Variants in SHISA9 observed in about 807,000 individuals in gnomAD.
SHISA9 encodes shisa family member 9.
SHISA9 carries 13 observed loss-of-function variants against 38.0 expected under a neutral mutation model. That is an observed-to-expected ratio of 0.34 (90% CI 0.22 to 0.54). SHISA9 has a LOEUF of 0.54. Among genes scored for constraint, SHISA9 ranks in the 20% least tolerant of loss-of-function variants. The pLI is 0.91. For missense variants in SHISA9, 538 were observed against 575.8 expected (o/e 0.93, Z 0.67); for synonymous variants, 275 against 242.0 (o/e 1.14, Z -1.27).
chr16:13,494,988 C>T, the SHISA9 span, among the ~76,000 whole-genome samples: 2 of 152,192 alleles, frequency 1.3e-5, no homozygotes, highest in Non-Finnish European at 2.9e-5. Context: ...AGATTACATA[C>T]TGTATGATTG....
intron 2 of SHISA9, among the ~76,000 whole-genome samples, chr16:12,995,280 T>C (rs943128388): frequency 6.6e-6 from 1 of 152,326 alleles, no homozygotes; most frequent in East Asian, 1.9e-4. Flanking sequence ...TAAGTTATTA[T>C]TGACTACAGT....
At chr16:13,189,312 C>A (rs2050860010) in intron 2 of SHISA9, among the ~76,000 whole-genome samples, 1 of 152,154 alleles carries the variant, frequency 6.6e-6, no homozygotes, top group Non-Finnish European at 1.5e-5. Context: ...AGTTTCATTC[C>A]ATAGAGGTGG....
the SHISA9 span, among the ~76,000 whole-genome samples, chr16:13,515,963 T>C: frequency 0.28 from 42,618 of 152,168 alleles, 6,676 homozygotes; most frequent in East Asian, 0.38. Flanking sequence ...AAGTACACCA[T>C]AGATTAGATA....
intron 3 of SHISA9, among the ~76,000 whole-genome samples, chr16:13,207,124 C>T (rs2051072711): frequency 3.9e-5 from 6 of 152,164 alleles, no homozygotes; most frequent in Admixed American, 3.3e-4. Context: ...ATTAGCTGGG[C>T]ATGGTGGCAG....
chr16:13,534,844 C>T, the SHISA9 span, among the ~76,000 whole-genome samples: 1 of 152,082 alleles, frequency 6.6e-6, no homozygotes, highest in East Asian at 1.9e-4. Context: ...CTTATCTTTG[C>T]CTTCTAAAAT....
intron 2 of SHISA9, among the ~76,000 whole-genome samples, chr16:13,114,180 A>C (rs2074006819): frequency 6.6e-6 from 1 of 152,102 alleles, no homozygotes; most frequent in South Asian, 2.1e-4. Context: ...AAATAATACG[A>C]AAAAGGCTGG....
At chr16:13,489,777 G>A in the SHISA9 span, among the ~76,000 whole-genome samples, 1 of 152,180 alleles carries the variant, frequency 6.6e-6, no homozygotes, top group African/African-American at 2.4e-5. Context: ...AATCCCCCGT[G>A]AATGCTATGA....
the SHISA9 span, among the ~76,000 whole-genome samples, chr16:13,383,403 T>C: frequency 2.0e-5 from 3 of 152,158 alleles, no homozygotes; most frequent in Admixed American, 2.0e-4. Context: ...TGAACATATA[T>C]CCTTAATAAA....
intron 2 of SHISA9, among the ~76,000 whole-genome samples, chr16:13,199,322 C>G (rs1481546835): frequency 1.3e-5 from 2 of 152,194 alleles, no homozygotes; most frequent in Non-Finnish European, 2.9e-5. Context: ...TGGGCACGCT[C>G]TATGCACGAG....
At chr16:13,083,729 A>T (rs1341854493) in intron 2 of SHISA9, among the ~76,000 whole-genome samples, 1 of 152,068 alleles carries the variant, frequency 6.6e-6, no homozygotes, top group Non-Finnish European at 1.5e-5. Context: ...GGGCTGCTTC[A>T]GGGGGTGGGG....
chr16:13,469,365 A>AAAAAAG, the SHISA9 span, among the ~76,000 whole-genome samples: 1 of 64,456 alleles, frequency 1.6e-5, no homozygotes. Context: ...AAAGAAAAGA[A>AAAAAAG]AAAGAAAGAA....
the SHISA9 span, among the ~76,000 whole-genome samples, chr16:13,366,988 A>C: frequency 6.6e-6 from 1 of 151,320 alleles, no homozygotes. Flanking sequence ...ATCTCAAAAA[A>C]AAAAAAAAAA....
intron 2 of SHISA9, among the ~76,000 whole-genome samples, chr16:12,926,319 C>T (rs1474473117): frequency 1.1e-4 from 17 of 152,032 alleles, no homozygotes; most frequent in Admixed American, 1.0e-3. Flanking sequence ...CTGAGAATTG[C>T]AGTATTAGAC....
the SHISA9 span, among the ~76,000 whole-genome samples, chr16:13,407,088 A>C: frequency 6.6e-6 from 1 of 150,762 alleles, no homozygotes; most frequent in African/African-American, 2.4e-5. Context: ...AAAAAAAAAA[A>C]AAAAAAAAAG....
the SHISA9 span, among the ~76,000 whole-genome samples, chr16:13,387,363 A>G: frequency 6.6e-6 from 1 of 152,200 alleles, no homozygotes; most frequent in African/African-American, 2.4e-5. Flanking sequence ...ATTTGGACTC[A>G]GAGACAGACA....
intron 2 of SHISA9, among the ~76,000 whole-genome samples, chr16:13,089,917 C>T (rs982847687): frequency 4.6e-5 from 7 of 152,076 alleles, no homozygotes; most frequent in African/African-American, 1.7e-4. Flanking sequence ...TAGGTCTTTC[C>T]TGCTTTCTCT....
intron 2 of SHISA9, among the ~76,000 whole-genome samples, chr16:13,141,042 A>G (rs2050397450): frequency 6.6e-6 from 1 of 152,214 alleles, no homozygotes; most frequent in South Asian, 2.1e-4. Flanking sequence ...TGGTAGAACA[A>G]CAGTGAAGCC....
chr16:13,185,947 T>A (rs1271101893), intron 2 of SHISA9, among the ~76,000 whole-genome samples: 4 of 152,218 alleles, frequency 2.6e-5, no homozygotes, highest in African/African-American at 9.7e-5. Context: ...GGATCTAACA[T>A]TGCAGAGCAC....
chr16:13,294,346 T>C, the SHISA9 span, among the ~76,000 whole-genome samples: 8 of 152,320 alleles, frequency 5.3e-5, no homozygotes, highest in South Asian at 2.1e-4. Flanking sequence ...GCTGGAACTG[T>C]ATGTTAAAGT....
Sources: gnomAD v4.1 joint callset for allele counts (sites outside exome capture counted in the v4.1 genomes callset) on GRCh38, gnomAD v4.1.1 for gene constraint, MANE v1.5 for transcripts, NCBI Gene and HGNC (gene_info 2026-07-23, HGNC 2026-07-21) for gene names.